Variants in LRRTM3 observed in about 807,000 individuals in gnomAD.
The protein encoded by LRRTM3 is leucine rich repeat transmembrane neuronal 3.
In LRRTM3, 24 loss-of-function variants were observed where a neutral mutation model predicts 44.7. The ratio of observed to expected loss-of-function variants is 0.54; its 90% confidence interval spans 0.39 to 0.76. The LOEUF (loss-of-function observed/expected upper bound fraction) is 0.76. Among genes scored for constraint, LRRTM3 ranks in the 30% least tolerant of loss-of-function variants. The probability of loss-of-function intolerance (pLI) is 0.00; values close to 1 mark genes in which losing one functional copy is unlikely to be tolerated. For missense variants in LRRTM3, 587 were observed against 702.2 expected (o/e 0.84, Z 1.85); for synonymous variants, 277 against 278.7 (o/e 0.99, Z 0.06).
At position 67,100,635 on chromosome 10, in the gene LRRTM3, T is replaced by G. The variant is rs193050966; in HGVS notation, c.*2839T>G. On this transcript the variant is annotated 3_prime_UTR_variant, in exon 3 of 3. Transcript: ENST00000361320. ...TTTAAACAACTGAAATGTTTACTTA[T>G]GTTTGGAGCTGAAAAATGGAAAGTT... 6.6e-6 allele frequency among the ~76,000 whole-genome samples: 1 copy of G among 151,862 alleles called. No individual in the cohort carries two copies. The highest frequency in any genetic ancestry group is 2.1e-4 in the South Asian group (1 of 4,822).
chr10:67,048,895 T>G (rs975682262), intron 2 of LRRTM3, among the ~76,000 whole-genome samples: 5 of 152,174 alleles, frequency 3.3e-5, no homozygotes, highest in African/African-American at 9.6e-5. Context: ...TTTATTATCC[T>G]GCTGAAGTTT....
At chr10:67,094,562 A>C (rs940205758) in intron 2 of LRRTM3, among the ~76,000 whole-genome samples, 5 of 151,822 alleles carry the variant, frequency 3.3e-5, no homozygotes, top group Admixed American at 6.6e-5. Flanking sequence ...TCATATTGTC[A>C]AGCATGGTGC....
chr10:67,006,099 T>C (rs77147840), intron 2 of LRRTM3, among the ~76,000 whole-genome samples: 2,773 of 152,248 alleles, frequency 0.018, 87 homozygotes, highest in African/African-American at 0.062. Flanking sequence ...CCAGGTACTT[T>C]ACAAACAACT....
chr10:67,026,651 G>C (rs1853407070), intron 2 of LRRTM3, among the ~76,000 whole-genome samples: 1 of 152,090 alleles, frequency 6.6e-6, no homozygotes, highest in East Asian at 1.9e-4. Context: ...CTTAAACCCT[G>C]GGAGGAAACC....
chr10:67,022,863 G>A (rs1009124320), intron 2 of LRRTM3, among the ~76,000 whole-genome samples: 67 of 152,052 alleles, frequency 4.4e-4, no homozygotes, highest in African/African-American at 1.4e-4. Flanking sequence ...GCTTGAACCC[G>A]GGTGGCGGAG....
chr10:66,974,778 TC>T lies in LRRTM3; in HGVS notation c.1536+46327del, dbSNP rs891414187. Among the ~76,000 whole-genome samples, 145 of 152,320 alleles carry T rather than the reference TC, an allele frequency of 9.5e-4. 2 individuals are homozygous for T. The Middle Eastern group carries it at 0.02, about 21-fold the overall frequency. On this transcript the variant is annotated intron_variant, in intron 2 of 2. Coordinates refer to ENST00000361320, the MANE Select transcript of LRRTM3 (RefSeq NM_178011.5). ...CCCTAATGACTAATGACATTGCACATCTTTTCATGTGCTTACCAACCATTTG... is the reference window on the plus strand; with the variant it reads ...CCCTAATGACTAATGACATTGCACATTTTTCATGTGCTTACCAACCATTTG...
intron 2 of LRRTM3, among the ~76,000 whole-genome samples, chr10:67,066,770 G>T (rs1036810894): frequency 6.6e-6 from 1 of 151,908 alleles, no homozygotes; most frequent in Admixed American, 6.6e-5. Context: ...TAAAATATTC[G>T]ATATTATATT....
At chr10:67,024,757 T>G (rs1199869084) in intron 2 of LRRTM3, among the ~76,000 whole-genome samples, 1 of 152,212 alleles carries the variant, frequency 6.6e-6, no homozygotes, top group Non-Finnish European at 1.5e-5. Flanking sequence ...TAAACATTCT[T>G]TGGCATGTCA....
intron 2 of LRRTM3, among the ~76,000 whole-genome samples, chr10:66,980,670 C>G (rs1047605211): frequency 3.5e-4 from 53 of 152,178 alleles, no homozygotes; most frequent in African/African-American, 1.2e-3. Flanking sequence ...AAAATTTTGT[C>G]ACTTCAGTTT....
At chr10:67,066,212 T>TTTTTTA (rs1856069269) in intron 2 of LRRTM3, among the ~76,000 whole-genome samples, 9 of 149,806 alleles carry the variant, frequency 6.0e-5, no homozygotes, top group African/African-American at 1.5e-4. Context: ...TTTTTTTTTT[T>TTTTTTA]GAGACAGTCT....
chr10:66,998,356 C>G (rs1373730835), intron 2 of LRRTM3, among the ~76,000 whole-genome samples: 2 of 152,012 alleles, frequency 1.3e-5, no homozygotes, highest in Non-Finnish European at 2.9e-5. Flanking sequence ...TTTTAAAGCA[C>G]AAGAAGCATA....
At chr10:67,066,213 G>A (rs1319957278) in intron 2 of LRRTM3, among the ~76,000 whole-genome samples, 1 of 28,934 alleles carries the variant, frequency 3.5e-5, no homozygotes, top group Non-Finnish European at 6.4e-5. Flanking sequence ...TTTTTTTTTT[G>A]AGACAGTCTT....
intron 2 of LRRTM3, among the ~76,000 whole-genome samples, chr10:67,078,389 G>A (rs1306539819): frequency 6.6e-6 from 1 of 151,966 alleles, no homozygotes. Flanking sequence ...AAGGAAATGA[G>A]AAAGAAAATG....
chr10:67,087,709 G>C (rs56391741), intron 2 of LRRTM3, among the ~76,000 whole-genome samples: 1,767 of 151,890 alleles, frequency 0.012, 29 homozygotes, highest in African/African-American at 0.04. Context: ...TGTCATAATG[G>C]CCTGGATCCT....
chr10:67,050,927 C>G (rs1855050622), intron 2 of LRRTM3, among the ~76,000 whole-genome samples: 1 of 152,176 alleles, frequency 6.6e-6, no homozygotes. Context: ...CAGCACAAAT[C>G]ACATTATTTG....
chr10:66,970,327 A>G (rs1242707703), intron 2 of LRRTM3, among the ~76,000 whole-genome samples: 1 of 152,108 alleles, frequency 6.6e-6, no homozygotes, highest in African/African-American at 2.4e-5. Flanking sequence ...TTACAGCACT[A>G]TCTCTTAGGA....
At chr10:67,080,984 A>G (rs537501186) in intron 2 of LRRTM3, among the ~76,000 whole-genome samples, 3 of 152,256 alleles carry the variant, frequency 2.0e-5, no homozygotes, top group Non-Finnish European at 4.4e-5. Context: ...CTAAAGCTAA[A>G]CAATAAATCA....
chr10:66,950,462 C>T (rs1045740567), intron 2 of LRRTM3, among the ~76,000 whole-genome samples: 5 of 152,014 alleles, frequency 3.3e-5, no homozygotes, highest in African/African-American at 1.2e-4. Context: ...ATGAATGTCA[C>T]ACTTGTGAGA....
intron 2 of LRRTM3, among the ~76,000 whole-genome samples, chr10:66,984,596 T>C (rs955256321): frequency 6.6e-6 from 1 of 152,166 alleles, no homozygotes; most frequent in Admixed American, 6.5e-5. Context: ...TACTTCTCAA[T>C]GCGTTCATGA....
Sources: allele counts gnomAD v4.1 joint callset (sites outside exome capture counted in the v4.1 genomes callset), GRCh38; gene constraint gnomAD v4.1.1; transcripts MANE v1.5; gene names NCBI Gene and HGNC (gene_info 2026-07-23, HGNC 2026-07-21).